The following EBF1 variants were observed in gnomAD, a reference collection of about 807,000 sequenced individuals.
The protein encoded by EBF1 is transcription factor COE1.
EBF1 carries 10 observed loss-of-function variants against 68.4 expected under a neutral mutation model. The observed-to-expected ratio is 0.15, with a 90% CI of 0.09 to 0.25. EBF1 has a LOEUF of 0.25. Ranked by LOEUF, EBF1 falls within the 10% of genes least tolerant of loss-of-function variation. The pLI, the probability that EBF1 is intolerant of heterozygous loss-of-function variation, is 1.00. For synonymous variants in EBF1, 298 were observed against 299.8 expected, an observed-to-expected ratio of 0.99 and a Z score of 0.06; for missense variants, 509 against 794.4, an observed-to-expected ratio of 0.64 and a Z score of 4.32.
intron 6 of EBF1, among the ~76,000 whole-genome samples, chr5:158,944,542 T>A (rs1814223947): frequency 6.6e-6 from 1 of 152,222 alleles, no homozygotes; most frequent in African/African-American, 2.4e-5. Context: ...TGTGCATGTG[T>A]CTTTATAGTA....
intron 11 of EBF1, among the ~76,000 whole-genome samples, chr5:158,723,990 C>A (rs1400804427): frequency 6.6e-6 from 1 of 152,080 alleles, no homozygotes; most frequent in African/African-American, 2.4e-5. Context: ...CAGATCCAGG[C>A]TAAACTCCCT....
At chr5:158,884,498 T>C (rs917656074) in intron 6 of EBF1, among the ~76,000 whole-genome samples, 10 of 152,240 alleles carry the variant, frequency 6.6e-5, no homozygotes, top group African/African-American at 2.4e-4. Context: ...TGCTCACTGC[T>C]GAAGACATAA....
intron 6 of EBF1, 47 bp from the exon 7 acceptor site, chr5:158,840,157 G>C (rs938402882): frequency 2.7e-6 from 4 of 1,485,928 alleles, no homozygotes; most frequent in Non-Finnish European, 3.7e-6. Context: ...TTTCTGACAC[G>C]GGAGGGAAAA....
chr5:159,024,438 T>C (rs1287887663), intron 6 of EBF1, among the ~76,000 whole-genome samples: 1 of 152,134 alleles, frequency 6.6e-6, no homozygotes, highest in Non-Finnish European at 1.5e-5. Flanking sequence ...CCCTTGACAG[T>C]CCTATCGAAA....
intron 6 of EBF1, among the ~76,000 whole-genome samples, chr5:158,951,714 C>T (rs146344372): frequency 3.9e-5 from 6 of 152,222 alleles, no homozygotes; most frequent in African/African-American, 1.4e-4. Flanking sequence ...CTGATTGGGA[C>T]CAAGAGGGTG....
intron 6 of EBF1, among the ~76,000 whole-genome samples, chr5:158,937,267 CATT>C (rs1812219054): frequency 6.6e-6 from 1 of 152,044 alleles, no homozygotes; most frequent in Non-Finnish European, 1.5e-5. Flanking sequence ...GGTTTAGCAT[CATT>C]GAGAAGGTCT....
chr5:159,008,469 G>T (rs1389611870), intron 6 of EBF1, among the ~76,000 whole-genome samples: 10 of 151,692 alleles, frequency 6.6e-5, no homozygotes, highest in Non-Finnish European at 1.2e-4. Flanking sequence ...CTGGGAGTTG[G>T]TGTGAATAAA....
At chr5:159,048,477 G>T (rs1478056797) in intron 6 of EBF1, among the ~76,000 whole-genome samples, 1 of 152,182 alleles carries the variant, frequency 6.6e-6, no homozygotes, top group Non-Finnish European at 1.5e-5. Context: ...CCTCAACCAA[G>T]AGGGGACAGG....
At chr5:158,758,142 G>A (rs957226966) in intron 10 of EBF1, among the ~76,000 whole-genome samples, 4 of 152,148 alleles carry the variant, frequency 2.6e-5, no homozygotes, top group African/African-American at 9.7e-5. Flanking sequence ...CATTATTGAG[G>A]TAAGAAAATA....
chr5:158,818,494 G>C (rs1029281256), intron 8 of EBF1, among the ~76,000 whole-genome samples: 3 of 152,072 alleles, frequency 2.0e-5, no homozygotes, highest in African/African-American at 7.2e-5. Context: ...GCAACCAAAA[G>C]GTCAGAATTC....
chr5:159,005,125 A>G (rs1455469744), intron 6 of EBF1, among the ~76,000 whole-genome samples: 1 of 152,218 alleles, frequency 6.6e-6, no homozygotes, highest in Non-Finnish European at 1.5e-5. Context: ...CTTGACATTC[A>G]TCCAGAACAT....
chr5:158,861,056 C>G (rs1794882563), intron 6 of EBF1, among the ~76,000 whole-genome samples: 1 of 152,156 alleles, frequency 6.6e-6, no homozygotes, highest in South Asian at 2.1e-4. Flanking sequence ...TGTAAATCTC[C>G]TCTCTTCTCA....
intron 5 of EBF1, among the ~76,000 whole-genome samples, chr5:159,083,552 C>G (rs1052266291): frequency 6.6e-6 from 1 of 152,008 alleles, no homozygotes; most frequent in African/African-American, 2.4e-5. Flanking sequence ...ATTGTATATC[C>G]ATACGTAACT....
intron 6 of EBF1, among the ~76,000 whole-genome samples, chr5:158,902,249 A>C (rs1318253218): frequency 2.0e-5 from 3 of 152,188 alleles, no homozygotes; most frequent in African/African-American, 7.2e-5. Context: ...AATGTCTCCC[A>C]TGAGGCTGTA....
intron 10 of EBF1, among the ~76,000 whole-genome samples, chr5:158,765,567 T>C (rs1248196114): frequency 1.3e-5 from 2 of 151,978 alleles, no homozygotes; most frequent in African/African-American, 4.8e-5. Flanking sequence ...CTTCCACCCG[T>C]GATGTAAAGA....
At chr5:159,070,026 T>C (rs1283600362) in intron 6 of EBF1, among the ~76,000 whole-genome samples, 1 of 152,166 alleles carries the variant, frequency 6.6e-6, no homozygotes, top group Non-Finnish European at 1.5e-5. Context: ...TAACTGGAAG[T>C]CATTTTTTGC....
chr5:158,979,172 A>G (rs1757418904), intron 6 of EBF1, among the ~76,000 whole-genome samples: 1 of 152,238 alleles, frequency 6.6e-6, no homozygotes, highest in Non-Finnish European at 1.5e-5. Context: ...GAATGCTATT[A>G]GAGACTATTA....
chr5:158,993,341 C>T (rs1024591199), intron 6 of EBF1, among the ~76,000 whole-genome samples: 3 of 152,180 alleles, frequency 2.0e-5, no homozygotes, highest in Admixed American at 2.0e-4. Flanking sequence ...AGCCACCATG[C>T]CTGGCCCTGT....
intron 6 of EBF1, among the ~76,000 whole-genome samples, chr5:158,894,454 T>C (rs1016436933): frequency 1.3e-5 from 2 of 152,218 alleles, no homozygotes; most frequent in Admixed American, 1.3e-4. Flanking sequence ...TTTTCAGGTT[T>C]ATTTTTCTCC....
Sources: gnomAD v4.1 joint callset for allele counts (sites outside exome capture counted in the v4.1 genomes callset) on GRCh38, gnomAD v4.1.1 for gene constraint, MANE v1.5 for transcripts, NCBI Gene and HGNC (gene_info 2026-07-23, HGNC 2026-07-21) for gene names.